TC2N: variants seen among roughly 807,000 people sequenced by gnomAD.
TC2N encodes tandem C2 domains, nuclear, also known as tandem C2 domains nuclear protein.
TC2N carries 51 observed loss-of-function variants against 61.9 expected under a neutral mutation model. The ratio of observed to expected loss-of-function variants is 0.82; its 90% CI spans 0.66 to 1.04. The LOEUF (loss-of-function observed/expected upper bound fraction) is 1.04. Among genes scored for constraint, TC2N ranks in the 50% least tolerant of loss-of-function variants. TC2N has a pLI of 0.00. For missense variants in TC2N, 556 were observed against 566.7 expected (o/e 0.98, Z 0.19); for synonymous variants, 204 against 192.6 (o/e 1.06, Z -0.49).
At chr14:91,820,304 G>A (rs1172398478) in intron 1 of TC2N, among the ~76,000 whole-genome samples, 1 of 152,042 alleles carries the variant, frequency 6.6e-6, no homozygotes, top group East Asian at 1.9e-4. Context: ...TCCCAGGATT[G>A]CAAGATTAGT....
chr14:91,815,917 T>A (rs922366762), intron 1 of TC2N, among the ~76,000 whole-genome samples: 3 of 151,744 alleles, frequency 2.0e-5, no homozygotes, highest in African/African-American at 7.2e-5. Flanking sequence ...TTGCTCTTTT[T>A]AAACATAACC....
At chr14:91,787,924 G>C (rs917097220) in intron 9 of TC2N, among the ~76,000 whole-genome samples, 7 of 151,954 alleles carry the variant, frequency 4.6e-5, no homozygotes, top group Non-Finnish European at 8.8e-5. Flanking sequence ...TATCACTGAA[G>C]AAAATGCCAG....
intron 1 of TC2N, among the ~76,000 whole-genome samples, chr14:91,861,677 C>T (rs1888590707): frequency 1.3e-5 from 2 of 152,332 alleles, no homozygotes; most frequent in South Asian, 2.1e-4. Flanking sequence ...AATCCCAGCA[C>T]TTTGGGAGGC....
At chr14:91,799,853 C>T (rs1886131334) in intron 5 of TC2N, among the ~76,000 whole-genome samples, 1 of 151,970 alleles carries the variant, frequency 6.6e-6, no homozygotes, top group Non-Finnish European at 1.5e-5. Context: ...TTTTTTAAAA[C>T]ATCAAAATAA....
chr14:91,854,415 GA>G (rs1243090011), intron 1 of TC2N, among the ~76,000 whole-genome samples: 3 of 133,232 alleles, frequency 2.3e-5, no homozygotes, highest in African/African-American at 5.6e-5. Context: ...GGAGGAGGAG[GA>G]GGGGGAGGGG....
intron 1 of TC2N, among the ~76,000 whole-genome samples, chr14:91,853,432 A>G (rs1159485271): frequency 6.6e-6 from 1 of 152,168 alleles, no homozygotes; most frequent in Non-Finnish European, 1.5e-5. Flanking sequence ...CACTGCGATA[A>G]TGGCATTCTG....
Position 91,780,053 on chromosome 14 carries a change from C to T in TC2N, c.*3047G>A, listed in dbSNP as rs912774835. 2.0e-5 allele frequency: 3 copies of T among 152,094 alleles called. No individual in the cohort carries two copies. Among genetic ancestry groups the T allele is most frequent in the African/African-American group, 7.2e-5 (3 of 41,406 alleles). 9.4% of individuals were successfully genotyped at this position (152,094 alleles called of 1,614,324 possible). A position where few individuals can be genotyped will look rare whatever the true frequency, so the allele number is the denominator to read the frequency against. On this transcript the variant is annotated 3_prime_UTR_variant, in exon 12 of 12. Transcript: ENST00000435962. ...TCAATGTTTTAGCCAAAACTGCAAA[C>T]ATTTGAAATTTAATTTTGAATAAAA...
chr14:91,847,262 A>T (rs79687926), intron 1 of TC2N, among the ~76,000 whole-genome samples: 1 of 151,838 alleles, frequency 6.6e-6, no homozygotes, highest in Non-Finnish European at 1.5e-5. Flanking sequence ...CATCTCAGAA[A>T]AAAAAAAAAA....
intron 4 of TC2N, among the ~76,000 whole-genome samples, chr14:91,801,343 T>G (rs889765327): frequency 1.3e-5 from 2 of 152,132 alleles, no homozygotes; most frequent in African/African-American, 4.8e-5. Context: ...AATATACAGG[T>G]GACAAGTGAA....
At chr14:91,807,780 T>C (rs1566771483) in intron 3 of TC2N, among the ~76,000 whole-genome samples, 1 of 152,090 alleles carries the variant, frequency 6.6e-6, no homozygotes, top group Non-Finnish European at 1.5e-5. Flanking sequence ...GAAGGCATAA[T>C]TGGTTTTGAA....
intron 11 of TC2N, among the ~76,000 whole-genome samples, chr14:91,783,825 T>G (rs1885237898): frequency 6.6e-6 from 1 of 152,098 alleles, no homozygotes; most frequent in African/African-American, 2.4e-5. Flanking sequence ...AACTTGAATT[T>G]TCATCTTACC....
chr14:91,801,728 T>G (rs189211990), intron 4 of TC2N, among the ~76,000 whole-genome samples: 1 of 152,302 alleles, frequency 6.6e-6, no homozygotes, highest in African/African-American at 2.4e-5. Context: ...AACTTCTTTC[T>G]TCTTTATGTT....
intron 9 of TC2N, among the ~76,000 whole-genome samples, chr14:91,788,341 C>T (rs536579026): frequency 6.6e-6 from 1 of 152,252 alleles, no homozygotes; most frequent in South Asian, 2.1e-4. Flanking sequence ...ACAACACAAG[C>T]CAGACTACTT....
chr14:91,865,901 TTAAC>T (rs1219891563), intron 1 of TC2N, among the ~76,000 whole-genome samples: 2 of 152,200 alleles, frequency 1.3e-5, no homozygotes, highest in Non-Finnish European at 2.9e-5. Context: ...AAGTTTTAGA[TTAAC>T]TTTTTATAAA....
At position 91,780,390 on chromosome 14, in the gene TC2N, A is replaced by G. The variant is rs138836468; in HGVS notation, c.*2710T>C. ...CAGTTTAGGGTCTTTTCAGACCACAATTATATAACTTGTTCAAAATCCCAC... is the reference window on the plus strand; with the variant it reads ...CAGTTTAGGGTCTTTTCAGACCACAGTTATATAACTTGTTCAAAATCCCAC... On this transcript the variant is annotated 3_prime_UTR_variant, in exon 12 of 12. Coordinates refer to ENST00000435962, the MANE Select transcript of TC2N (RefSeq NM_001128596.3). 2.0e-5 allele frequency: 3 copies of G among 152,330 alleles called. No homozygotes were observed. Among genetic ancestry groups the G allele is most frequent in the Non-Finnish European group, 4.4e-5 (3 of 68,022 alleles). 9.4% of individuals were successfully genotyped at this position (152,330 alleles called of 1,614,324 possible).
intron 1 of TC2N, among the ~76,000 whole-genome samples, chr14:91,833,391 G>T (rs547047809): frequency 6.6e-6 from 1 of 152,132 alleles, no homozygotes; most frequent in South Asian, 2.1e-4. Flanking sequence ...TAAATGATGT[G>T]CCTTTCTTCT....
At chr14:91,843,075 T>A (rs1888195005) in intron 1 of TC2N, among the ~76,000 whole-genome samples, 1 of 152,112 alleles carries the variant, frequency 6.6e-6, no homozygotes. Flanking sequence ...GCTTGCCTTC[T>A]TGTACTTCTA....
At chr14:91,804,361 T>C (rs1886404527) in intron 3 of TC2N, among the ~76,000 whole-genome samples, 1 of 152,200 alleles carries the variant, frequency 6.6e-6, no homozygotes, top group African/African-American at 2.4e-5. Context: ...GAAGTGCTTG[T>C]ACATGTGCAC....
At chr14:91,794,325 T>C (rs1885797814) in intron 8 of TC2N, among the ~76,000 whole-genome samples, 1 of 152,170 alleles carries the variant, frequency 6.6e-6, no homozygotes, top group South Asian at 2.1e-4. Flanking sequence ...GGTGGCTACA[T>C]TCAACAACAG....
Sources: gnomAD v4.1 joint callset for allele counts (sites outside exome capture counted in the v4.1 genomes callset) on GRCh38, gnomAD v4.1.1 for gene constraint, MANE v1.5 for transcripts, NCBI Gene and HGNC (gene_info 2026-07-23, HGNC 2026-07-21) for gene names.